Variants in KPNB1 observed in about 807,000 individuals in gnomAD.
The protein encoded by KPNB1 is karyopherin subunit beta 1.
A neutral mutation model predicts 113.0 loss-of-function variants in KPNB1; 7 were observed. That is an observed-to-expected ratio of 0.06 (90% CI 0.04 to 0.12). KPNB1 has a LOEUF of 0.12. Ranked by LOEUF, KPNB1 falls within the 10% of genes least tolerant of loss-of-function variation. The pLI, the probability that KPNB1 is intolerant of heterozygous loss-of-function variation, is 1.00. For missense variants in KPNB1, 400 were observed against 1,054.8 expected, an observed-to-expected ratio of 0.38 and a Z score of 8.60; for synonymous variants, 363 against 378.6, an observed-to-expected ratio of 0.96 and a Z score of 0.48.
intron 4 of KPNB1, among the ~76,000 whole-genome samples, chr17:47,657,302 T>G (rs930266522): frequency 5.3e-5 from 8 of 152,214 alleles, no homozygotes; most frequent in Admixed American, 5.2e-4. Context: ...GAGTCTTAGA[T>G]TCTAGACTTA....
intron 5 of KPNB1, among the ~76,000 whole-genome samples, chr17:47,659,172 C>T (rs1218836229): frequency 2.0e-5 from 3 of 151,802 alleles, no homozygotes; most frequent in Non-Finnish European, 4.4e-5. Context: ...CATGGTGAAA[C>T]CCCATCTCTA....
intron 9 of KPNB1, 127 bp from the exon 10 acceptor site, chr17:47,668,059 A>G (rs2030344513): frequency 1.5e-6 from 1 of 681,330 alleles, no homozygotes; most frequent in Non-Finnish European, 2.5e-6. Context: ...GAGACAAAAT[A>G]TAAAGGTCTT....
At chr17:47,678,227 G>T (rs1291091097) in intron 18 of KPNB1, 38 bp downstream of exon 18, 1 of 1,610,956 alleles carries the variant, frequency 6.2e-7, no homozygotes, top group Non-Finnish European at 8.5e-7. Context: ...TTTAAGTCTA[G>T]CTCTAATTGG....
intron 17 of KPNB1, among the ~76,000 whole-genome samples, chr17:47,677,784 C>T (rs544994643): frequency 6.6e-6 from 1 of 152,248 alleles, no homozygotes; most frequent in African/African-American, 2.4e-5. Context: ...CAGAGATAGC[C>T]ATCATTAATT....
intron 19 of KPNB1, among the ~76,000 whole-genome samples, chr17:47,679,489 A>G (rs1259165423): frequency 4.6e-5 from 7 of 152,284 alleles, no homozygotes; most frequent in South Asian, 4.1e-4. Flanking sequence ...TGTTTCTTCT[A>G]TATTTGCCTA....
At chr17:47,676,566 C>A in intron 16 of KPNB1, 75 bp downstream of exon 16, 3 of 1,108,826 alleles carry the variant, frequency 2.7e-6, no homozygotes, top group Non-Finnish European at 2.7e-6. Context: ...AAACCAGGTT[C>A]TTATAGCTTA....
chr17:47,682,593 T>C lies in KPNB1; in HGVS notation c.*189T>C, dbSNP rs994248362. The C allele has an allele frequency of 3.7e-5, 23 of 616,666 alleles. No homozygotes were observed. The highest frequency in any genetic ancestry group is 5.8e-5 in the Non-Finnish European group (20 of 342,740). The allele number at this position is 616,666 out of a possible 1,614,324, so 38.2% of individuals were successfully genotyped here. ...CAGCCGCAGCCGCCAACAGCAGCGC[T>C]GTTAGTGAGCTAAGTAAGCACTGAC... is the stretch of plus-strand genomic sequence containing the variant. On this transcript the variant is annotated 3_prime_UTR_variant, in exon 22 of 22. Transcript: ENST00000290158.
At chr17:47,660,049 G>A (rs982088580) in intron 5 of KPNB1, among the ~76,000 whole-genome samples, 2 of 152,080 alleles carry the variant, frequency 1.3e-5, no homozygotes, top group Non-Finnish European at 2.9e-5. Flanking sequence ...CATTGCTGTG[G>A]AAACAATCTC....
chr17:47,650,022 G>A lies in KPNB1; in HGVS notation c.-223G>A, dbSNP rs1317579771. On this transcript the variant is annotated 5_prime_UTR_variant, in exon 1 of 22. Transcript: ENST00000290158. The stretch of plus-strand genomic sequence containing the variant: ...GAGCTGCCCCCAGGGTCCCTCCCCC[G>A]CCGCCAGCAGCCCATTTGGAGGGAG... 5 of 1,343,492 alleles carry A rather than the reference G, an allele frequency of 3.7e-6. No homozygotes were observed. Among genetic ancestry groups the A allele is most frequent in the African/African-American group, 1.5e-5 (1 of 65,428 alleles). 83.2% of individuals were successfully genotyped at this position (1,343,492 alleles called of 1,614,324 possible). A position where few individuals can be genotyped will look rare whatever the true frequency, so the allele number is the denominator to read the frequency against.
intron 6 of KPNB1, among the ~76,000 whole-genome samples, chr17:47,661,516 C>T (rs1358904971): frequency 6.6e-6 from 1 of 152,072 alleles, no homozygotes; most frequent in Admixed American, 6.6e-5. Context: ...GTACAAGAAT[C>T]GCTTGAACCT....
chr17:47,680,703 A>G (rs1239590911), intron 21 of KPNB1, 34 bp downstream of exon 21: 4 of 1,597,388 alleles, frequency 2.5e-6, no homozygotes, highest in Non-Finnish European at 3.4e-6. Context: ...TCTTTCTTCT[A>G]CTTCCTGGAG....
chr17:47,682,488 C>G lies in KPNB1; in HGVS notation c.*84C>G. On this transcript the variant is annotated 3_prime_UTR_variant, in exon 22 of 22. Coordinates refer to ENST00000290158, the MANE Select transcript of KPNB1 (RefSeq NM_002265.6). ...AAAACCTGGAAGTGAGGAGTGTGCACGGATGCTGAATGTTTGGGAATGAGA... is the reference window on the plus strand; with the variant it reads ...AAAACCTGGAAGTGAGGAGTGTGCAGGGATGCTGAATGTTTGGGAATGAGA... 1 of 774,654 alleles carries G rather than the reference C, an allele frequency of 1.3e-6. No individual in the cohort carries two copies. The highest frequency in any genetic ancestry group is 2.4e-6 in the Non-Finnish European group (1 of 416,272). 48.0% of individuals were successfully genotyped at this position (774,654 alleles called of 1,614,324 possible).
At position 47,658,717 on chromosome 17, in the gene KPNB1, TG is replaced by T. The variant is rs1287374234; in HGVS notation, c.636+58del. ...GACAGTAAGGGATGAAAGAGTTGAATGAAAGTTTTTTGTTTTGTTTTCTTAA... is the reference window on the plus strand; with the variant it reads ...GACAGTAAGGGATGAAAGAGTTGAATAAAGTTTTTTGTTTTGTTTTCTTAA... On this transcript the variant is annotated intron_variant, in intron 5 of 21. Coordinates refer to ENST00000290158, the MANE Select transcript of KPNB1 (RefSeq NM_002265.6). 104 of 1,477,514 alleles carry T rather than the reference TG, an allele frequency of 7.0e-5. 1 individual carries two copies. The East Asian group carries it at 2.3e-3, about 33-fold the overall frequency. The allele number at this position is 1,477,514 out of a possible 1,614,324, so 91.5% of individuals were successfully genotyped here. A position where few individuals can be genotyped will look rare whatever the true frequency, so the allele number is the denominator to read the frequency against.
intron 2 of KPNB1, 147 bp from the exon 3 acceptor site, chr17:47,652,547 G>A (rs1915609770): frequency 2.1e-6 from 1 of 479,898 alleles, no homozygotes; most frequent in Non-Finnish European, 3.6e-6. Context: ...AATATTTTGT[G>A]GTTTCCTGAA....
chr17:47,676,323 T>A, intron 15 of KPNB1, 86 bp from the exon 16 acceptor site: 4 of 913,734 alleles, frequency 4.4e-6, no homozygotes, highest in Non-Finnish European at 7.3e-6. Context: ...GCGAGTACAT[T>A]TTGGGAGAGG....
rs1391514218 is a variant in KPNB1 at position 47,684,672 on chromosome 17, C to A, written c.*2268C>A. 6.6e-6 allele frequency: 1 copy of A among 152,430 alleles called. No individual in the cohort carries two copies. Among genetic ancestry groups the A allele is most frequent in the Non-Finnish European group, 1.5e-5 (1 of 68,018 alleles). The allele number at this position is 152,430 out of a possible 1,614,324, so 9.4% of individuals were successfully genotyped here. The stretch of plus-strand genomic sequence containing the variant: ...ACACCGAGAACCATAATGAAAAAAC[C>A]TTCCGTGTGTTTTGTCATGTTTTGT... On this transcript the variant is annotated 3_prime_UTR_variant, in exon 22 of 22. Coordinates refer to ENST00000290158, the MANE Select transcript of KPNB1 (RefSeq NM_002265.6).
At chr17:47,663,046 C>A in intron 6 of KPNB1, 43 bp from the exon 7 acceptor site, 2 of 1,026,000 alleles carry the variant, frequency 1.9e-6, no homozygotes, top group Non-Finnish European at 3.1e-6. Context: ...TGTCAGATTG[C>A]GTTGTTATTT....
chr17:47,672,861 G>T (rs1052867600), intron 12 of KPNB1, among the ~76,000 whole-genome samples, 157 bp from the exon 13 acceptor site: 3 of 152,260 alleles, frequency 2.0e-5, no homozygotes, highest in African/African-American at 7.2e-5. Context: ...TGGCTCAAAG[G>T]ACTTGAAGAT....
chr17:47,653,641 G>T (rs1221191124), intron 3 of KPNB1, among the ~76,000 whole-genome samples: 2 of 152,170 alleles, frequency 1.3e-5, no homozygotes, highest in African/African-American at 4.8e-5. Flanking sequence ...TTTTGTCCTT[G>T]GTATTTGAGT....
Sources: allele counts gnomAD v4.1 joint callset (sites outside exome capture counted in the v4.1 genomes callset), GRCh38; gene constraint gnomAD v4.1.1; transcripts MANE v1.5; gene names NCBI Gene and HGNC (gene_info 2026-07-23, HGNC 2026-07-21).